POLR2F: variants seen among roughly 807,000 people sequenced by gnomAD.
POLR2F encodes DNA-directed RNA polymerases I, II, and III subunit RPABC2.
Under a neutral mutation model 22.7 loss-of-function variants are expected in POLR2F, and 12 were observed. That is an observed-to-expected ratio of 0.53 (90% CI 0.34 to 0.86). POLR2F has a LOEUF of 0.86. Among genes scored for constraint, POLR2F ranks in the 40% least tolerant of loss-of-function variants. POLR2F has a pLI of 0.02. For synonymous variants in POLR2F, 57 were observed against 66.0 expected (o/e 0.86, Z 0.66); for missense variants, 126 against 171.5 (o/e 0.73, Z 1.48).
chr22:38,033,435 C>T (rs2085084987), intron 5 of POLR2F, among the ~76,000 whole-genome samples: 1 of 152,202 alleles, frequency 6.6e-6, no homozygotes, highest in Non-Finnish European at 1.5e-5. Context: ...CAGCGGGGTT[C>T]AAGCCTGGTT....
chr22:38,014,636 G>A (rs947893399), intron 1 of POLR2F, among the ~76,000 whole-genome samples: 3 of 151,288 alleles, frequency 2.0e-5, no homozygotes, highest in Non-Finnish European at 4.4e-5. Context: ...GGGACTACAG[G>A]ACCATGCCCA....
chr22:38,028,736 C>G (rs912877972), downstream of POLR2F, among the ~76,000 whole-genome samples: 2 of 152,082 alleles, frequency 1.3e-5, no homozygotes, highest in African/African-American at 2.4e-5. Flanking sequence ...AACAGCCTGT[C>G]CCGCTCCTGC....
chr22:37,978,426 TAGG>T lies in POLR2F; in HGVS notation c.293+11259_293+11261del, dbSNP rs1932292485. ...GCAGCCCCTGAGGAGGAGTTAGAAGTAGGAGTAGAGGTTTCAAGGGGCAGATGC... is the reference window on the plus strand; with the variant it reads ...GCAGCCCCTGAGGAGGAGTTAGAAGTAGTAGAGGTTTCAAGGGGCAGATGC... On this transcript the variant is annotated intron_variant, in intron 4 of 4. Coordinates refer to the POLR2F transcript ENST00000405557. The surrounding 1 kb of genome is among the most constrained non-coding windows in gnomAD (Gnocchi z 5.0). 1.3e-5 allele frequency among the ~76,000 whole-genome samples: 2 copies of T among 152,152 alleles called. No homozygotes were observed. Among genetic ancestry groups the T allele is most frequent in the Non-Finnish European group, 2.9e-5 (2 of 67,980 alleles).
At chr22:38,021,158 C>G (rs1292540119) in intron 1 of POLR2F, among the ~76,000 whole-genome samples, 1 of 152,130 alleles carries the variant, frequency 6.6e-6, no homozygotes, top group African/African-American at 2.4e-5. Flanking sequence ...TGAGGGAGTG[C>G]CTGGCTGGGG....
At chr22:38,023,387 C>G (rs1222529526) in intron 1 of POLR2F, among the ~76,000 whole-genome samples, 1 of 152,002 alleles carries the variant, frequency 6.6e-6, no homozygotes, top group African/African-American at 2.4e-5. Flanking sequence ...TTCTTAAAAT[C>G]TATGAAAAGG....
At chr22:37,961,641 C>T (rs1048368744) in intron 3 of POLR2F, among the ~76,000 whole-genome samples, 3 of 152,284 alleles carry the variant, frequency 2.0e-5, no homozygotes, top group African/African-American at 7.2e-5. Flanking sequence ...GACTGGAGAA[C>T]AGACTGGAAG....
intron 1 of POLR2F, among the ~76,000 whole-genome samples, chr22:37,998,913 C>T (rs989392758): frequency 1.3e-5 from 2 of 151,968 alleles, no homozygotes; most frequent in African/African-American, 4.8e-5. Context: ...GCATTAGGGT[C>T]TGGCTGGTAC....
At chr22:38,024,017 A>G (rs1239068025) in intron 1 of POLR2F, among the ~76,000 whole-genome samples, 1 of 151,540 alleles carries the variant, frequency 6.6e-6, no homozygotes, top group Non-Finnish European at 1.5e-5. Flanking sequence ...AATTTTTTGT[A>G]TTTTTAGTAG....
intron 5 of POLR2F, among the ~76,000 whole-genome samples, chr22:38,036,634 G>A (rs1000861469): frequency 5.3e-5 from 8 of 151,586 alleles, no homozygotes; most frequent in African/African-American, 1.9e-4. Context: ...ACGGGGTAAG[G>A]AGGGCTGCGG....
chr22:37,977,266 C>G (rs1004994025), intron 4 of POLR2F, among the ~76,000 whole-genome samples: 2 of 151,898 alleles, frequency 1.3e-5, no homozygotes, highest in Non-Finnish European at 2.9e-5. Context: ...TCTTCTCCCC[C>G]TTTACTTGTA....
At chr22:38,031,569 C>T (rs998453550), downstream of POLR2F, among the ~76,000 whole-genome samples, 57 of 152,282 alleles carry the variant, frequency 3.7e-4, no homozygotes, top group Non-Finnish European at 2.8e-4. This position sits in a 1 kb window ranked among gnomAD's most constrained non-coding sequence, Gnocchi z 4.1. Flanking sequence ...CCCTGTGCCG[C>T]TGTCCAGGTC....
At chr22:37,959,544 T>A in intron 3 of POLR2F, 68 bp downstream of exon 3, 1 of 1,537,824 alleles carries the variant, frequency 6.5e-7, no homozygotes. Flanking sequence ...ACCGCTGATC[T>A]TTCCCAGCCT....
intron 1 of POLR2F, among the ~76,000 whole-genome samples, chr22:38,012,429 G>A (rs2084878924): frequency 6.6e-6 from 1 of 152,112 alleles, no homozygotes; most frequent in South Asian, 2.1e-4. Context: ...CAGAAGCGTT[G>A]CCAAGGCAGT....
rs1280585218 is a variant in POLR2F, at chr22:37,959,568, A to G, written c.221+92A>G. Reference sequence around the variant, plus strand: ...CTTTCCCAGCCTGGCACCTGAAAACAGACTCTCTGCTCTCACATTCCAAAA... The same window carrying G: ...CTTTCCCAGCCTGGCACCTGAAAACGGACTCTCTGCTCTCACATTCCAAAA... On this transcript the variant is annotated intron_variant, in intron 3 of 4. Coordinates refer to ENST00000442738, the MANE Select transcript of POLR2F (RefSeq NM_021974.5). 4.9e-6 allele frequency: 7 copies of G among 1,416,082 alleles called. No homozygotes were observed. In the East Asian group the frequency reaches 1.6e-4, roughly 33 times the overall value. 87.7% of individuals were successfully genotyped at this position (1,416,082 alleles called of 1,614,324 possible). A position where few individuals can be genotyped will look rare whatever the true frequency, so the allele number is the denominator to read the frequency against.
At chr22:37,999,412 C>G (rs991071498) in intron 1 of POLR2F, among the ~76,000 whole-genome samples, 1 of 152,148 alleles carries the variant, frequency 6.6e-6, no homozygotes, top group South Asian at 2.1e-4. Flanking sequence ...GCAGCCTCAG[C>G]CTGGCCTGTG....
chr22:37,992,897 A>G (rs1419188607), intron 1 of POLR2F, among the ~76,000 whole-genome samples: 1 of 152,166 alleles, frequency 6.6e-6, no homozygotes, highest in Non-Finnish European at 1.5e-5. Flanking sequence ...CTGCTGTGAC[A>G]TTTTGTTCCC....
intron 1 of POLR2F, among the ~76,000 whole-genome samples, chr22:38,008,561 AAAC>A (rs756521190): frequency 2.7e-5 from 4 of 149,208 alleles, no homozygotes; most frequent in South Asian, 2.1e-4. Context: ...AAAAACCAAC[AAAC>A]AACAACAACA....
intron 1 of POLR2F, among the ~76,000 whole-genome samples, chr22:38,008,240 A>C (rs1377305116): frequency 6.6e-6 from 1 of 151,816 alleles, no homozygotes; most frequent in Non-Finnish European, 1.5e-5. Context: ...TCTGTCTCAA[A>C]ACAAAACAAA....
rs534562375 is a variant in POLR2F, at chr22:37,997,925, T to C, written c.120+11613T>C. Among the ~76,000 whole-genome samples the C allele has an allele frequency of 7.2e-5, 11 of 152,298 alleles. No homozygotes were observed. In the South Asian group the frequency reaches 2.1e-3, roughly 29 times the overall value. On this transcript the variant is annotated intron_variant, in intron 1 of 2. Transcript: ENST00000333418. This position sits in a 1 kb window ranked among gnomAD's most constrained non-coding sequence, Gnocchi z 4.4. ...GGACCGCAGGATTTGTACCATCTCC[T>C]GGCGCGAGAGCCAGGGTTGCCCAGA...
Sources: allele counts gnomAD v4.1 joint callset (sites outside exome capture counted in the v4.1 genomes callset), GRCh38; gene constraint gnomAD v4.1.1; non-coding constraint Gnocchi (gnomAD v3.1); transcripts MANE v1.5; gene names NCBI Gene and HGNC (gene_info 2026-07-23, HGNC 2026-07-21).